Variants in ELL2 observed in about 807,000 individuals in gnomAD.
ELL2 encodes the protein RNA polymerase II elongation factor ELL2.
A neutral mutation model predicts 72.8 loss-of-function variants in ELL2; 21 were observed. The observed-to-expected ratio is 0.29, with a 90% CI of 0.20 to 0.42. ELL2 has a LOEUF of 0.42. Among genes scored for constraint, ELL2 ranks in the 10% least tolerant of loss-of-function variants. The probability of loss-of-function intolerance (pLI) is 1.00; values close to 1 mark genes in which losing one functional copy is unlikely to be tolerated. For missense variants in ELL2, 568 were observed against 772.8 expected, an observed-to-expected ratio of 0.73 and a Z score of 3.14; for synonymous variants, 266 against 283.2, an observed-to-expected ratio of 0.94 and a Z score of 0.61.
rs1236832546 is a variant in ELL2, at chr5:95,898,453, A to G, written c.1312T>C (p.Leu438=). 2.2e-5 allele frequency: 35 copies of G among 1,613,622 alleles called. No individual in the cohort carries two copies. Among genetic ancestry groups the G allele is most frequent in the Non-Finnish European group, 2.9e-5 (34 of 1,179,938 alleles). The change falls in exon 8 of 12, where the codon TTA becomes CTA. Residue 438 remains leucine, a synonymous_variant. Transcript: ENST00000237853. ...TTTAGTAGAACGGAACCAGGGGGTA[A>G]GGTTTCCAGAGAAGTCCTAGAGGTA... ...KYTSRTSLET[L]PPGSVLLKCP... is the part of the protein sequence containing the mutation.
chr5:95,930,086 C>T (rs989424332), intron 2 of ELL2, among the ~76,000 whole-genome samples: 2 of 152,122 alleles, frequency 1.3e-5, no homozygotes, highest in African/African-American at 4.8e-5. Context: ...TGTAACCATA[C>T]TAAATAATTC....
At chr5:95,947,758 A>C (rs1751219430) in intron 1 of ELL2, among the ~76,000 whole-genome samples, 1 of 152,160 alleles carries the variant, frequency 6.6e-6, no homozygotes, top group African/African-American at 2.4e-5. Context: ...TTAAATGTTC[A>C]CTCAGTTCTT....
intron 8 of ELL2, among the ~76,000 whole-genome samples, chr5:95,897,586 T>A (rs991960723): frequency 2.0e-5 from 3 of 152,216 alleles, no homozygotes; most frequent in Non-Finnish European, 4.4e-5. Flanking sequence ...TCCTAAAGCT[T>A]TGAAATGGCT....
At chr5:95,948,429 CAAAAAAAAAAAAA>C (rs1187881368) in intron 1 of ELL2, among the ~76,000 whole-genome samples, 1 of 35,218 alleles carries the variant, frequency 2.8e-5, no homozygotes, top group Non-Finnish European at 5.0e-5. Flanking sequence ...GACTCCGCCT[CAAAAAAAAAAAAA>C]AAAAAAAAAA....
At chr5:95,936,722 G>A (rs1268376815) in intron 2 of ELL2, among the ~76,000 whole-genome samples, 8 of 139,316 alleles carry the variant, frequency 5.7e-5, no homozygotes, top group Non-Finnish European at 1.2e-4. Context: ...TCCAACATAG[G>A]TGACAGAGTA....
intron 3 of ELL2, among the ~76,000 whole-genome samples, chr5:95,919,051 T>C (rs1465042167): frequency 6.6e-6 from 1 of 152,070 alleles, no homozygotes; most frequent in Non-Finnish European, 1.5e-5. Flanking sequence ...TTTAACTTCT[T>C]TACCCTGGAG....
At chr5:95,938,966 C>G (rs1326394161) in intron 2 of ELL2, among the ~76,000 whole-genome samples, 4 of 152,164 alleles carry the variant, frequency 2.6e-5, no homozygotes, top group Non-Finnish European at 4.4e-5. Context: ...TGAGGCAAGT[C>G]CACTCTGTAA....
intron 1 of ELL2, among the ~76,000 whole-genome samples, chr5:95,951,238 G>A (rs1281646534): frequency 6.6e-6 from 1 of 151,786 alleles, no homozygotes; most frequent in Non-Finnish European, 1.5e-5. Context: ...GCGTGGTGGT[G>A]GGCGCCTGTA....
intron 1 of ELL2, among the ~76,000 whole-genome samples, chr5:95,950,904 G>GTATATTTATA: frequency 2.1e-5 from 1 of 46,614 alleles, no homozygotes; most frequent in Non-Finnish European, 4.2e-5. Context: ...GTATGTATGT[G>GTATATTTATA]TATATATATA....
At chr5:95,949,703 A>C (rs77931783) in intron 1 of ELL2, among the ~76,000 whole-genome samples, 2 of 77,174 alleles carry the variant, frequency 2.6e-5, no homozygotes, top group African/African-American at 1.5e-4. Context: ...GATACTGCAA[A>C]AAAAAAAAAA....
chr5:95,924,193 C>T (rs1226200838), intron 2 of ELL2, among the ~76,000 whole-genome samples: 1 of 152,176 alleles, frequency 6.6e-6, no homozygotes, highest in Non-Finnish European at 1.5e-5. Context: ...ATGCGTCAGT[C>T]CCCTCTGATA....
chr5:95,898,920 AC>A, intron 7 of ELL2, 110 bp from the exon 8 acceptor site: 2 of 799,426 alleles, frequency 2.5e-6, no homozygotes, highest in Non-Finnish European at 3.7e-6. Flanking sequence ...TATTAATATT[AC>A]CAGGGTTGTA....
At chr5:95,934,790 T>C (rs1554078056) in intron 2 of ELL2, among the ~76,000 whole-genome samples, 1 of 152,222 alleles carries the variant, frequency 6.6e-6, no homozygotes, top group Non-Finnish European at 1.5e-5. Flanking sequence ...TCTTGTCATA[T>C]TTGAACTTGG....
At chr5:95,911,635 C>A (rs1286563433) in intron 4 of ELL2, among the ~76,000 whole-genome samples, 1 of 152,160 alleles carries the variant, frequency 6.6e-6, no homozygotes, top group Admixed American at 6.6e-5. Flanking sequence ...CGTGAGCCAT[C>A]GCACCCGGCC....
chr5:95,959,284 T>C (rs1751726209), intron 1 of ELL2, among the ~76,000 whole-genome samples: 1 of 152,222 alleles, frequency 6.6e-6, no homozygotes, highest in Non-Finnish European at 1.5e-5. Flanking sequence ...CCCCCAGAGA[T>C]GCCTCTTCCC....
chr5:95,893,925 G>C (rs559200952), intron 9 of ELL2, among the ~76,000 whole-genome samples: 1 of 152,220 alleles, frequency 6.6e-6, no homozygotes, highest in Admixed American at 6.5e-5. Context: ...GCAGATCCAG[G>C]AACCATCCTT....
chr5:95,960,863 G>A (rs899180730), intron 1 of ELL2, among the ~76,000 whole-genome samples: 28 of 151,758 alleles, frequency 1.8e-4, no homozygotes, highest in African/African-American at 6.3e-4. Context: ...TGGGAATGCA[G>A]GTGTGTCCCC....
chr5:95,923,083 C>T (rs1750153937), intron 2 of ELL2, among the ~76,000 whole-genome samples: 1 of 151,952 alleles, frequency 6.6e-6, no homozygotes, highest in Non-Finnish European at 1.5e-5. Flanking sequence ...ATAGGTCATC[C>T]CCTTAGAAAA....
At chr5:95,960,176 GT>G (rs1751769437) in intron 1 of ELL2, among the ~76,000 whole-genome samples, 1 of 151,730 alleles carries the variant, frequency 6.6e-6, no homozygotes, top group African/African-American at 2.4e-5. Flanking sequence ...CTGCCCCTCT[GT>G]CTGTTGTACG....
Sources: allele counts gnomAD v4.1 joint callset (sites outside exome capture counted in the v4.1 genomes callset), GRCh38; gene constraint gnomAD v4.1.1; transcripts MANE v1.5; gene names NCBI Gene and HGNC (gene_info 2026-07-23, HGNC 2026-07-21).